TMEM117: variants seen among roughly 807,000 people sequenced by gnomAD.
The protein encoded by TMEM117 is transmembrane protein 117.
TMEM117 carries 27 observed loss-of-function variants against 52.4 expected under a neutral mutation model. The ratio of observed to expected loss-of-function variants is 0.51; its 90% CI spans 0.38 to 0.71. The LOEUF (loss-of-function observed/expected upper bound fraction) is 0.71. TMEM117 is among the 30% of genes least tolerant of loss of function. The probability of loss-of-function intolerance (pLI) is 0.00; values close to 1 mark genes in which losing one functional copy is unlikely to be tolerated. For missense variants in TMEM117, 556 were observed against 630.5 expected (o/e 0.88, Z 1.26); for synonymous variants, 215 against 206.3 (o/e 1.04, Z -0.36).
intron 3 of TMEM117, among the ~76,000 whole-genome samples, chr12:44,011,699 A>C (rs1457636535): frequency 2.0e-5 from 3 of 150,412 alleles, no homozygotes; most frequent in Non-Finnish European, 4.4e-5. Context: ...AGTTTATTTT[A>C]TAAGTTAGGC....
intron 4 of TMEM117, among the ~76,000 whole-genome samples, chr12:44,172,420 A>G (rs1194481301): frequency 1.3e-5 from 2 of 152,050 alleles, no homozygotes; most frequent in Admixed American, 6.5e-5. Flanking sequence ...CTCCATCTTC[A>G]TTCACATGGC....
At chr12:44,115,489 C>T (rs1383463071) in intron 3 of TMEM117, among the ~76,000 whole-genome samples, 1 of 152,084 alleles carries the variant, frequency 6.6e-6, no homozygotes, top group Non-Finnish European at 1.5e-5. Flanking sequence ...TCCTGATCAA[C>T]TCTGACTTTC....
At chr12:44,284,330 A>G (rs1950613211) in intron 5 of TMEM117, among the ~76,000 whole-genome samples, 1 of 152,190 alleles carries the variant, frequency 6.6e-6, no homozygotes, top group East Asian at 1.9e-4. Flanking sequence ...ACAACAAAAA[A>G]AGTGACTTTC....
chr12:43,926,109 A>G (rs1399341904), intron 2 of TMEM117, among the ~76,000 whole-genome samples: 1 of 152,234 alleles, frequency 6.6e-6, no homozygotes, highest in Non-Finnish European at 1.5e-5. Flanking sequence ...TTTTGGTCTT[A>G]TATATCTTGA....
At chr12:43,816,395 C>T in the TMEM117 span, among the ~76,000 whole-genome samples, 4 of 152,244 alleles carry the variant, frequency 2.6e-5, no homozygotes, top group South Asian at 8.3e-4. Context: ...CAAGATTACT[C>T]ACCTCCTATC....
chr12:43,912,804 T>C (rs139934550), intron 2 of TMEM117, among the ~76,000 whole-genome samples: 1 of 152,074 alleles, frequency 6.6e-6, no homozygotes, highest in African/African-American at 2.4e-5. Context: ...TAGTCTAATT[T>C]ATAGTTATAT....
At chr12:44,337,615 C>G (rs1307530440) in intron 6 of TMEM117, among the ~76,000 whole-genome samples, 1 of 151,900 alleles carries the variant, frequency 6.6e-6, no homozygotes, top group Non-Finnish European at 1.5e-5. Context: ...TCCATATTTG[C>G]AAAGGACTAA....
chr12:44,309,613 T>C (rs895660823), intron 6 of TMEM117, among the ~76,000 whole-genome samples: 1 of 152,108 alleles, frequency 6.6e-6, no homozygotes, highest in Non-Finnish European at 1.5e-5. Flanking sequence ...TAATATGTAC[T>C]GGGCACTGTC....
the TMEM117 span, among the ~76,000 whole-genome samples, chr12:43,811,396 A>G: frequency 6.6e-6 from 1 of 152,190 alleles, no homozygotes; most frequent in Non-Finnish European, 1.5e-5. Context: ...AGAAAGACAA[A>G]AAGGAATCTT....
chr12:44,003,248 A>C (rs1220222295), intron 3 of TMEM117, among the ~76,000 whole-genome samples: 3 of 152,186 alleles, frequency 2.0e-5, no homozygotes, highest in African/African-American at 7.2e-5. Context: ...GAGTGGAGAA[A>C]AACCTAGAAG....
intron 4 of TMEM117, among the ~76,000 whole-genome samples, chr12:44,190,051 A>G (rs1949330549): frequency 6.6e-6 from 1 of 152,210 alleles, no homozygotes; most frequent in South Asian, 2.1e-4. Flanking sequence ...GGATTGGTCC[A>G]CATGAACTGT....
At position 44,086,560 on chromosome 12, in the gene TMEM117, A is replaced by G. The variant is rs572674465; in HGVS notation, c.411-56965A>G. On this transcript the variant is annotated intron_variant, in intron 3 of 7. Transcript: ENST00000266534. ...CCATTGTACTTTGGTCCTGTTTTCC[A>G]TTCCAGATCTAGGTTTGTTCTGCAT... Among the ~76,000 whole-genome samples the G allele has an allele frequency of 3.3e-5, 5 of 152,062 alleles. No individual in the cohort carries two copies. In the East Asian group the frequency reaches 9.7e-4, roughly 30 times the overall value.
At chr12:43,834,759 ACT>A (rs1386473319), upstream of TMEM117, among the ~76,000 whole-genome samples, 1 of 152,046 alleles carries the variant, frequency 6.6e-6, no homozygotes, top group East Asian at 1.9e-4. Flanking sequence ...GATTGAGTTC[ACT>A]CTCATATATA....
At chr12:44,154,175 A>G (rs1592564118) in intron 4 of TMEM117, among the ~76,000 whole-genome samples, 1 of 152,094 alleles carries the variant, frequency 6.6e-6, no homozygotes, top group Admixed American at 6.6e-5. Flanking sequence ...TAAGGAATCA[A>G]TTAAGCATGC....
At chr12:43,952,859 G>A (rs1434646700) in intron 3 of TMEM117, among the ~76,000 whole-genome samples, 1 of 151,990 alleles carries the variant, frequency 6.6e-6, no homozygotes, top group Non-Finnish European at 1.5e-5. Context: ...CTCCAGAGTT[G>A]AAATGAAGAA....
intron 3 of TMEM117, among the ~76,000 whole-genome samples, chr12:44,130,621 C>T (rs1344357198): frequency 1.3e-5 from 2 of 152,106 alleles, no homozygotes; most frequent in Non-Finnish European, 2.9e-5. Flanking sequence ...CATTGTAGGA[C>T]TGTACTATAA....
chr12:44,278,456 T>C (rs1950541099), intron 5 of TMEM117, among the ~76,000 whole-genome samples: 1 of 152,214 alleles, frequency 6.6e-6, no homozygotes. Flanking sequence ...TCATTAACTT[T>C]CCTTTCAAAC....
At chr12:43,976,235 T>C (rs1167057337) in intron 3 of TMEM117, among the ~76,000 whole-genome samples, 1 of 152,144 alleles carries the variant, frequency 6.6e-6, no homozygotes, top group Non-Finnish European at 1.5e-5. Flanking sequence ...AGCATTGTTT[T>C]CTAAAATAAG....
intron 5 of TMEM117, among the ~76,000 whole-genome samples, chr12:44,258,602 CTT>C (rs1950286931): frequency 1.3e-5 from 2 of 151,804 alleles, no homozygotes; most frequent in South Asian, 2.1e-4. Flanking sequence ...TATTCAAACT[CTT>C]TTGAAAAAAT....
Sources: gnomAD v4.1 joint callset for allele counts (sites outside exome capture counted in the v4.1 genomes callset) on GRCh38, gnomAD v4.1.1 for gene constraint, MANE v1.5 for transcripts, NCBI Gene and HGNC (gene_info 2026-07-23, HGNC 2026-07-21) for gene names.